Variants in CCDC9 observed in about 807,000 individuals in gnomAD.
The protein encoded by CCDC9 is coiled-coil domain containing 9.
CCDC9 carries 52 observed loss-of-function variants against 65.6 expected under a neutral mutation model. The ratio of observed to expected loss-of-function variants is 0.79; its 90% CI spans 0.63 to 1.00. The LOEUF (loss-of-function observed/expected upper bound fraction) is 1.00. Ranked by LOEUF, CCDC9 falls within the 50% of genes least tolerant of loss-of-function variation. The pLI is 0.00. For missense variants in CCDC9, 834 were observed against 757.2 expected, an observed-to-expected ratio of 1.10 and a Z score of -1.19; for synonymous variants, 332 against 280.3, an observed-to-expected ratio of 1.18 and a Z score of -1.84.
At chr19:47,271,023 A>G in intron 10 of CCDC9, 59 bp from the exon 11 acceptor site, 2 of 1,262,830 alleles carry the variant, frequency 1.6e-6, no homozygotes, top group South Asian at 2.7e-5. Flanking sequence ...GGAGGCAGGA[A>G]GCCCCTTCCT....
At chr19:47,266,843 T>G in intron 8 of CCDC9, 51 bp downstream of exon 8, 1 of 1,556,150 alleles carries the variant, frequency 6.4e-7, no homozygotes, top group African/African-American at 1.4e-5. Flanking sequence ...ACCTTGGCCC[T>G]GACTTCTAAG....
intron 7 of CCDC9, among the ~76,000 whole-genome samples, chr19:47,265,466 T>C (rs1026733798): frequency 1.3e-5 from 2 of 152,076 alleles, no homozygotes; most frequent in African/African-American, 4.8e-5. Context: ...TGGCAGGTGC[T>C]GTGTGAGGGG....
chr19:47,275,113 CCG>C, downstream of CCDC9: 1 of 1,493,578 alleles, frequency 6.7e-7, no homozygotes, highest in Non-Finnish European at 8.9e-7. Flanking sequence ...GCGGCACCCG[CCG>C]GCCCACAGCC....
At chr19:47,265,039 TC>T in intron 7 of CCDC9, 93 bp downstream of exon 7, 1 of 1,110,516 alleles carries the variant, frequency 9.0e-7, no homozygotes, top group Non-Finnish European at 1.2e-6. Context: ...ATGGGGCCTC[TC>T]CTTTTTTGTG....
At chr19:47,273,696 C>G (rs1189889447), downstream of CCDC9, 1 of 380,582 alleles carries the variant, frequency 2.6e-6, no homozygotes, top group Non-Finnish European at 4.6e-6. Flanking sequence ...CATGGAGGCC[C>G]TGGGCGGCTC....
At position 47,271,428 on chromosome 19, in the gene CCDC9, AC is replaced by A. The variant is rs1313270116; in HGVS notation, c.1348del (p.His450ThrfsTer59). On this transcript the variant is annotated frameshift_variant, in exon 12 of 12. Transcript: ENST00000221922. LOFTEE classifies it high-confidence loss of function. ...EEGDEEEPAQDHQAPEAAPTG... is the reference protein window; with the variant it reads ...EEGDEEEPAQXHQAPEAAPTG... ...GGTGATGAGGAGGAACCAGCCCAAGACCACCAAGCCCCAGAGGCTGCCCCCA... is the reference window on the plus strand; with the variant it reads ...GGTGATGAGGAGGAACCAGCCCAAGACACCAAGCCCCAGAGGCTGCCCCCA... 2 of 1,613,776 alleles carry A rather than the reference AC, an allele frequency of 1.2e-6. No homozygotes were observed. The highest frequency in any genetic ancestry group is 2.7e-5 in the African/African-American group (2 of 74,882).
intron 1 of CCDC9, among the ~76,000 whole-genome samples, chr19:47,257,188 G>T (rs1409370230): frequency 6.6e-6 from 1 of 152,012 alleles, no homozygotes; most frequent in African/African-American, 2.4e-5. Context: ...AGCCATGGGC[G>T]GGGCCAGATG....
chr19:47,271,714 TGTGTGTGTGTGTGTGTGTGC>T lies in CCDC9; in HGVS notation c.*38_*57del, dbSNP rs2059121076. On this transcript the variant is annotated 3_prime_UTR_variant, in exon 12 of 12. Transcript: ENST00000221922. ...CTGTGTGTGTGTGTGTGTGTGTGTG[TGTGTGTGTGTGTGTGTGTGC>T]GCGCGCGCGCGCGCGCGCGCGCGCG... The T allele has an allele frequency of 4.4e-6, 6 of 1,378,540 alleles. No individual in the cohort carries two copies. The African/African-American group carries it at 6.3e-5, about 15-fold the overall frequency. The allele number at this position is 1,378,540 out of a possible 1,614,324, so 85.4% of individuals were successfully genotyped here.
intron 8 of CCDC9, among the ~76,000 whole-genome samples, chr19:47,268,225 GCCCT>G (rs2059095062): frequency 6.6e-6 from 1 of 152,124 alleles, no homozygotes; most frequent in Admixed American, 6.6e-5. Context: ...TTAAAGCAAA[GCCCT>G]CATTGCATCA....
downstream of CCDC9, chr19:47,273,728 C>CT: frequency 2.8e-6 from 1 of 360,258 alleles, no homozygotes; most frequent in Non-Finnish European, 4.9e-6. Flanking sequence ...CAGGCCGAAT[C>CT]TCCCGCCTCC....
intron 1 of CCDC9, 80 bp downstream of exon 1, chr19:47,256,689 C>CTCGGGCGGGGTGGGGAG (rs2059011246): frequency 1.1e-5 from 1 of 93,406 alleles, no homozygotes; most frequent in Non-Finnish European, 2.3e-5. Context: ...TGCGAACAGG[C>CTCGGGCGGGGTGGGGAG]CCGGGCGGGG....
intron 10 of CCDC9, 21 bp downstream of exon 10, chr19:47,270,709 G>T (rs1253504774): frequency 1.2e-6 from 2 of 1,602,730 alleles, no homozygotes; most frequent in East Asian, 2.2e-5. Context: ...CCTTCTGCGG[G>T]CTTGCATACC....
intron 3 of CCDC9, 152 bp downstream of exon 3, chr19:47,258,815 A>G: frequency 3.1e-6 from 2 of 634,996 alleles, no homozygotes; most frequent in Non-Finnish European, 5.7e-6. Context: ...CTTTCATTCC[A>G]TTATTCATTC....
rs762121355 is a variant in CCDC9 at position 47,264,910 on chromosome 19, C to G, written c.684C>G (p.Phe228Leu). 8 of 1,461,674 alleles carry G rather than the reference C, an allele frequency of 5.5e-6. No individual in the cohort carries two copies. In the African/African-American group the frequency reaches 5.7e-5, roughly 10 times the overall value. 90.5% of individuals were successfully genotyped at this position (1,461,674 alleles called of 1,614,324 possible). A position where few individuals can be genotyped will look rare whatever the true frequency, so the allele number is the denominator to read the frequency against. ...RHGRNWGGPDFERVRCGLEHE... is the reference protein window; with the variant it reads ...RHGRNWGGPDLERVRCGLEHE... ...GCCGCAACTGGGGGGGCCCCGACTT[C>G]GAGCGGGTGCGCTGTGGCCTTGAGC... The change falls in exon 7 of 12, where the codon TTC (phenylalanine) becomes TTG (leucine). Residue 228 changes from phenylalanine to leucine, a missense_variant. Phe to Leu is a conservative substitution (Grantham distance 22). Coordinates refer to ENST00000221922, the MANE Select transcript of CCDC9 (RefSeq NM_015603.3).
chr19:47,259,888 C>T (rs958038882), intron 3 of CCDC9, among the ~76,000 whole-genome samples: 7 of 152,078 alleles, frequency 4.6e-5, no homozygotes, highest in African/African-American at 9.7e-5. Flanking sequence ...GAAGGCCTCA[C>T]GAGAAGGCAG....
downstream of CCDC9, chr19:47,275,371 G>T (rs538208388): frequency 9.8e-6 from 15 of 1,531,578 alleles, no homozygotes; most frequent in African/African-American, 2.0e-4. Flanking sequence ...CCCCAACCCG[G>T]ATCGCCAGCC....
At chr19:47,274,800 G>T, downstream of CCDC9, 1 of 676,452 alleles carries the variant, frequency 1.5e-6, no homozygotes, top group Non-Finnish European at 1.9e-6. Flanking sequence ...TGACCATGCT[G>T]GCGGGGGCGG....
intron 3 of CCDC9, 24 bp from the exon 4 acceptor site, chr19:47,260,297 C>CCTACCCCGG (rs1487018043): frequency 1.6e-5 from 24 of 1,533,804 alleles, no homozygotes; most frequent in Admixed American, 3.9e-5. Context: ...CTGATGCTTC[C>CCTACCCCGG]CTACCCCGGC....
chr19:47,262,318 G>A (rs1471122576), intron 5 of CCDC9, among the ~76,000 whole-genome samples: 1 of 150,602 alleles, frequency 6.6e-6, no homozygotes, highest in Admixed American at 6.7e-5. Flanking sequence ...CTGGGTTCAA[G>A]CAATTCTTGT....
Sources: allele counts gnomAD v4.1 joint callset (sites outside exome capture counted in the v4.1 genomes callset), GRCh38; gene constraint gnomAD v4.1.1; transcripts MANE v1.5; gene names NCBI Gene and HGNC (gene_info 2026-07-23, HGNC 2026-07-21).